OSBPL6: variants seen among roughly 807,000 people sequenced by gnomAD.
The protein encoded by OSBPL6 is oxysterol-binding protein-related protein 6.
OSBPL6 carries 49 observed loss-of-function variants against 125.8 expected under a neutral mutation model. That is an observed-to-expected ratio of 0.39 (90% CI 0.31 to 0.49). The LOEUF (loss-of-function observed/expected upper bound fraction) is 0.49, where lower values mean the gene tolerates loss of function less well. OSBPL6 is among the 20% of genes least tolerant of loss of function. The pLI is 0.88. For missense variants in OSBPL6, 986 were observed against 1,135.4 expected, an observed-to-expected ratio of 0.87 and a Z score of 1.89; for synonymous variants, 394 against 391.8, an observed-to-expected ratio of 1.01 and a Z score of -0.07.
chr2:178,332,597 AATCATAT>A lies in OSBPL6; in HGVS notation c.373-40_373-34del, dbSNP rs1559256115. The A allele has an allele frequency of 4.3e-6, 6 of 1,410,330 alleles. No homozygotes were observed. The Admixed American group carries it at 8.6e-5, about 20-fold the overall frequency. 87.4% of individuals were successfully genotyped at this position (1,410,330 alleles called of 1,614,324 possible). A position where few individuals can be genotyped will look rare whatever the true frequency, so the allele number is the denominator to read the frequency against. On this transcript the variant is annotated intron_variant, in intron 6 of 24. Transcript: ENST00000190611. The stretch of plus-strand genomic sequence containing the variant: ...ACTTAAATACAGTACAGAAACATCA[AATCATAT>A]ATCCTTTCAGCCTATTTACTAGTCT...
chr2:178,214,241 C>T (rs2089990281), intron 1 of OSBPL6, among the ~76,000 whole-genome samples: 2 of 152,160 alleles, frequency 1.3e-5, no homozygotes, highest in Non-Finnish European at 2.9e-5. Context: ...ATCTGATGTT[C>T]TAGGAGCCTG....
chr2:178,233,621 G>C (rs1044079131), intron 1 of OSBPL6, among the ~76,000 whole-genome samples: 16 of 152,172 alleles, frequency 1.1e-4, no homozygotes, highest in African/African-American at 3.9e-4. Context: ...GGATCCCTCA[G>C]CCTCTGGAAA....
intron 9 of OSBPL6, 52 bp from the exon 10 acceptor site, chr2:178,338,939 C>T: frequency 1.5e-6 from 2 of 1,318,228 alleles, no homozygotes; most frequent in Non-Finnish European, 1.1e-6. Context: ...ATTACCATCC[C>T]CACCGCTCCC....
At chr2:178,384,443 C>A (rs930994665) in intron 18 of OSBPL6, among the ~76,000 whole-genome samples, 4 of 152,082 alleles carry the variant, frequency 2.6e-5, no homozygotes. Context: ...GAGATATGCA[C>A]CATCAATCAA....
At chr2:178,272,460 G>A (rs2092391809) in intron 1 of OSBPL6, among the ~76,000 whole-genome samples, 1 of 152,176 alleles carries the variant, frequency 6.6e-6, no homozygotes, top group Admixed American at 6.5e-5. Flanking sequence ...GAGGCAAACA[G>A]TATTTTAAGT....
chr2:178,231,432 A>G (rs2090812643), intron 1 of OSBPL6, among the ~76,000 whole-genome samples: 1 of 152,118 alleles, frequency 6.6e-6, no homozygotes. Flanking sequence ...TCACCCGTGC[A>G]GGCTTCCAGC....
chr2:178,353,890 A>C (rs762972373), intron 12 of OSBPL6, among the ~76,000 whole-genome samples: 50 of 152,230 alleles, frequency 3.3e-4, no homozygotes, highest in Admixed American at 9.8e-4. Context: ...CTAACAGTGG[A>C]TCTCTCAGCA....
chr2:178,216,887 G>C (rs900314358), intron 1 of OSBPL6, among the ~76,000 whole-genome samples: 7 of 152,152 alleles, frequency 4.6e-5, no homozygotes, highest in African/African-American at 1.4e-4. Context: ...AGGATGAGAG[G>C]CAAGGAAAGA....
At chr2:178,245,105 G>A (rs140502075) in intron 1 of OSBPL6, among the ~76,000 whole-genome samples, 37 of 152,264 alleles carry the variant, frequency 2.4e-4, no homozygotes, top group Non-Finnish European at 3.2e-4. Context: ...GAACTCAAGC[G>A]TGTCTTTCGT....
At chr2:178,337,885 A>G (rs940720347) in intron 9 of OSBPL6, among the ~76,000 whole-genome samples, 3 of 152,192 alleles carry the variant, frequency 2.0e-5, no homozygotes, top group African/African-American at 7.2e-5. Flanking sequence ...TTTCCTGGAT[A>G]GAAAGCTCAA....
At chr2:178,379,219 T>A (rs1378183899) in intron 15 of OSBPL6, among the ~76,000 whole-genome samples, 24 of 109,860 alleles carry the variant, frequency 2.2e-4, no homozygotes, top group South Asian at 6.0e-4. Flanking sequence ...AGGGAGGAAG[T>A]AAGGGAAAGA....
At chr2:178,332,152 T>A (rs1574891965) in intron 6 of OSBPL6, among the ~76,000 whole-genome samples, 1 of 152,130 alleles carries the variant, frequency 6.6e-6, no homozygotes, top group African/African-American at 2.4e-5. Context: ...TTTGTCCCCA[T>A]CCCTGCCATT....
intron 3 of OSBPL6, chr2:178,320,283 A>G: frequency 2.5e-6 from 4 of 1,611,954 alleles, no homozygotes; most frequent in Non-Finnish European, 2.5e-6. Flanking sequence ...ATCAATGAAC[A>G]CTAACCTGAG....
rs965069141 is a variant in OSBPL6, at chr2:178,263,055, G to T, written c.-350-21872G>T. Among the ~76,000 whole-genome samples the T allele has an allele frequency of 3.3e-5, 5 of 152,226 alleles. No individual in the cohort carries two copies. In the Middle Eastern group the frequency reaches 0.01, roughly 311 times the overall value. ...ATAGTTTCAAATTTATCATGGAAAT[G>T]GGTGGAAAAATTAGATTTAAAAAAA... is the stretch of plus-strand genomic sequence containing the variant. On this transcript the variant is annotated intron_variant, in intron 1 of 24. Coordinates refer to ENST00000190611, the MANE Select transcript of OSBPL6 (RefSeq NM_032523.4).
At chr2:178,367,859 A>C (rs1692999425) in intron 13 of OSBPL6, among the ~76,000 whole-genome samples, 1 of 152,216 alleles carries the variant, frequency 6.6e-6, no homozygotes, top group Non-Finnish European at 1.5e-5. Context: ...TCCTGGCTTC[A>C]AGGTGCTTCC....
intron 2 of OSBPL6, among the ~76,000 whole-genome samples, chr2:178,295,667 G>T (rs1167922376): frequency 6.6e-6 from 1 of 152,084 alleles, no homozygotes; most frequent in Admixed American, 6.6e-5. Flanking sequence ...AGTGGACAAT[G>T]GAAGTCCTGT....
rs1417210129 is a variant in OSBPL6 at position 178,399,540 on chromosome 2, A to C, written c.*3981A>C. The C allele has an allele frequency of 2.0e-5, 3 of 152,248 alleles. No individual in the cohort carries two copies. The highest frequency in any genetic ancestry group is 4.4e-5 in the Non-Finnish European group (3 of 68,034). 9.4% of individuals were successfully genotyped at this position (152,248 alleles called of 1,614,324 possible). A position where few individuals can be genotyped will look rare whatever the true frequency, so the allele number is the denominator to read the frequency against. ...CTTTATTACGTCCAAAATGAGATCTAAAGAAGGAGGTCTTTAAAAATTGTT... is the reference window on the plus strand; with the variant it reads ...CTTTATTACGTCCAAAATGAGATCTCAAGAAGGAGGTCTTTAAAAATTGTT... On this transcript the variant is annotated 3_prime_UTR_variant, in exon 25 of 25. Coordinates refer to ENST00000190611, the MANE Select transcript of OSBPL6 (RefSeq NM_032523.4).
At chr2:178,233,654 G>C (rs1450929542) in intron 1 of OSBPL6, among the ~76,000 whole-genome samples, 1 of 152,192 alleles carries the variant, frequency 6.6e-6, no homozygotes, top group Admixed American at 6.5e-5. Context: ...GATGACACAT[G>C]GGCAGGGAGG....
intron 1 of OSBPL6, among the ~76,000 whole-genome samples, chr2:178,268,637 C>T (rs1287196156): frequency 6.6e-6 from 1 of 152,162 alleles, no homozygotes; most frequent in African/African-American, 2.4e-5. Flanking sequence ...TACAATGGTC[C>T]TCTCTTATGT....
Sources: gnomAD v4.1 joint callset for allele counts (sites outside exome capture counted in the v4.1 genomes callset) on GRCh38, gnomAD v4.1.1 for gene constraint, MANE v1.5 for transcripts, NCBI Gene and HGNC (gene_info 2026-07-23, HGNC 2026-07-21) for gene names.